Variants in MARCHF5 observed in about 807,000 individuals in gnomAD.
The protein encoded by MARCHF5 is E3 ubiquitin-protein ligase MARCHF5.
Under a neutral mutation model 36.5 loss-of-function variants are expected in MARCHF5, and 5 were observed. The ratio of observed to expected loss-of-function variants is 0.14; its 90% CI spans 0.07 to 0.29. The LOEUF (loss-of-function observed/expected upper bound fraction) is 0.29. MARCHF5 is among the 10% of genes least tolerant of loss of function. The pLI is 1.00. For missense variants in MARCHF5, 179 were observed against 336.3 expected (o/e 0.53, Z 3.66); for synonymous variants, 103 against 109.9 (o/e 0.94, Z 0.39).
At chr10:92,304,206 C>T (rs753575027) in intron 1 of MARCHF5, among the ~76,000 whole-genome samples, 74 of 152,274 alleles carry the variant, frequency 4.9e-4, no homozygotes, top group Middle Eastern at 3.4e-3. Context: ...AAGAAAACTG[C>T]ATCCATAAAT....
chr10:92,325,975 A>C (rs1386771507), intron 2 of MARCHF5, among the ~76,000 whole-genome samples: 1 of 152,192 alleles, frequency 6.6e-6, no homozygotes, highest in Middle Eastern at 3.2e-3. Flanking sequence ...CACCGTGCCC[A>C]GCTACTCTTA....
intron 3 of MARCHF5, among the ~76,000 whole-genome samples, chr10:92,347,504 AG>A (rs1843659885): frequency 1.2e-5 from 1 of 86,438 alleles, no homozygotes; most frequent in Non-Finnish European, 2.5e-5. Context: ...ATAGATAGAT[AG>A]ATAGATAGAT....
chr10:92,323,915 C>T lies in MARCHF5; in HGVS notation c.238+12578C>T, dbSNP rs181174769. 1.2e-4 allele frequency among the ~76,000 whole-genome samples: 19 copies of T among 152,232 alleles called. No individual in the cohort carries two copies. The East Asian group carries it at 2.1e-3, about 17-fold the overall frequency. On this transcript the variant is annotated intron_variant, in intron 2 of 5. Transcript: ENST00000358935. ...AATTTTCAACTCATTGGGGTAAATACCAAGGAGCATGATTGCTGGATTGTA... is the reference window on the plus strand; with the variant it reads ...AATTTTCAACTCATTGGGGTAAATATCAAGGAGCATGATTGCTGGATTGTA...
At chr10:92,338,175 C>A (rs1359640416) in intron 2 of MARCHF5, among the ~76,000 whole-genome samples, 1 of 151,834 alleles carries the variant, frequency 6.6e-6, no homozygotes, top group East Asian at 1.9e-4. Flanking sequence ...GGTGACAGAG[C>A]AAGACCCTGT....
chr10:92,318,614 A>G (rs1843245011), intron 2 of MARCHF5, among the ~76,000 whole-genome samples: 2 of 151,748 alleles, frequency 1.3e-5, no homozygotes, highest in South Asian at 4.2e-4. Flanking sequence ...TCGCAGCTAC[A>G]AACAATAAAG....
chr10:92,321,827 G>A (rs533030159), intron 2 of MARCHF5, among the ~76,000 whole-genome samples: 1 of 152,148 alleles, frequency 6.6e-6, no homozygotes, highest in South Asian at 2.1e-4. Context: ...TTGGCATATA[G>A]TTATTTATAG....
chr10:92,307,175 C>CTGTG (rs376178460), intron 1 of MARCHF5, among the ~76,000 whole-genome samples: 5,011 of 121,778 alleles, frequency 0.041, 118 homozygotes, highest in African/African-American at 0.068. Flanking sequence ...AAGAAAACAT[C>CTGTG]TGTGTGTGTG....
At chr10:92,349,090 G>A (rs960288435) in intron 3 of MARCHF5, among the ~76,000 whole-genome samples, 2 of 152,128 alleles carry the variant, frequency 1.3e-5, no homozygotes, top group Non-Finnish European at 2.9e-5. Context: ...CCCCTCTATT[G>A]TAATGTAATC....
chr10:92,347,300 G>A (rs560257824), intron 3 of MARCHF5, among the ~76,000 whole-genome samples: 11 of 152,080 alleles, frequency 7.2e-5, no homozygotes, highest in Admixed American at 3.3e-4. Flanking sequence ...CCTGGCTAAC[G>A]TGGTGAAACC....
intron 2 of MARCHF5, among the ~76,000 whole-genome samples, chr10:92,314,751 C>A (rs902805217): frequency 5.1e-5 from 7 of 136,758 alleles, no homozygotes; most frequent in East Asian, 2.4e-4. Context: ...TCCCCCCGCC[C>A]CCCCCCGCCA....
intron 3 of MARCHF5, among the ~76,000 whole-genome samples, chr10:92,347,175 C>CT (rs59331611): frequency 2.0e-5 from 3 of 151,902 alleles, no homozygotes; most frequent in African/African-American, 7.3e-5. Flanking sequence ...AAGACCCTGT[C>CT]TTTTTTTTTC....
intron 3 of MARCHF5, among the ~76,000 whole-genome samples, chr10:92,347,523 T>TAGATAGATAGATAGATA (rs58664499): frequency 1.2e-5 from 1 of 86,926 alleles, no homozygotes; most frequent in Non-Finnish European, 2.4e-5. Context: ...GATAGATAGA[T>TAGATAGATAGATAGATA]GATAGATATA....
chr10:92,341,666 C>A (rs1050653190), intron 3 of MARCHF5, among the ~76,000 whole-genome samples: 1 of 151,768 alleles, frequency 6.6e-6, no homozygotes, highest in African/African-American at 2.4e-5. Context: ...CTTGTGACTT[C>A]ATACTCAAAA....
intron 2 of MARCHF5, among the ~76,000 whole-genome samples, chr10:92,337,052 G>A (rs1264238600): frequency 6.6e-6 from 1 of 151,780 alleles, no homozygotes; most frequent in East Asian, 1.9e-4. Context: ...AGCCCAGGAG[G>A]CGGAAATTAC....
rs369056542 is a variant in MARCHF5, at chr10:92,349,737, C to T, written c.620C>T (p.Thr207Ile). Residue 207 changes from threonine (T) to isoleucine (I), a missense_variant, in exon 5 of 6, where the codon ACT (threonine) becomes ATT (isoleucine). Coordinates refer to ENST00000358935, the MANE Select transcript of MARCHF5 (RefSeq NM_017824.5). ...ANPLADHVSA[T>I]RILCGALVFP... ...CCTTTAGCAGATCATGTCTCTGCTA[C>T]TCGAATCTTGTGTGGAGCCCTTGTC... 1.9e-6 allele frequency: 3 copies of T among 1,613,908 alleles called. No individual in the cohort carries two copies. The highest frequency in any genetic ancestry group is 1.3e-5 in the African/African-American group (1 of 74,922).
chr10:92,299,252 G>A (rs573259688), intron 1 of MARCHF5, among the ~76,000 whole-genome samples: 3 of 152,160 alleles, frequency 2.0e-5, no homozygotes, highest in Non-Finnish European at 4.4e-5. Flanking sequence ...TAGAATTAGC[G>A]AAGGCACAAT....
intron 1 of MARCHF5, among the ~76,000 whole-genome samples, chr10:92,304,450 A>G (rs1323862966): frequency 6.6e-6 from 1 of 152,230 alleles, no homozygotes; most frequent in East Asian, 1.9e-4. Flanking sequence ...TTGAAAGAAT[A>G]AAACAAAATA....
intron 1 of MARCHF5, among the ~76,000 whole-genome samples, chr10:92,297,994 T>C (rs1842967823): frequency 6.6e-6 from 1 of 152,014 alleles, no homozygotes; most frequent in South Asian, 2.1e-4. Flanking sequence ...GCTCAGGAGT[T>C]CAAGACCAGC....
intron 4 of MARCHF5, 23 bp from the exon 5 acceptor site, chr10:92,349,648 C>A (rs765953305): frequency 3.1e-6 from 5 of 1,610,624 alleles, no homozygotes; most frequent in Admixed American, 1.7e-5. Context: ...TTAGCACTAA[C>A]GCACTGCATT....
Sources: allele counts gnomAD v4.1 joint callset (sites outside exome capture counted in the v4.1 genomes callset), GRCh38; gene constraint gnomAD v4.1.1; transcripts MANE v1.5; gene names NCBI Gene and HGNC (gene_info 2026-07-23, HGNC 2026-07-21).